BCOR: variants seen among roughly 807,000 people sequenced by gnomAD.
BCOR encodes BCL6 corepressor.
In BCOR, 10 loss-of-function variants were observed where a neutral mutation model predicts 86.7. The ratio of observed to expected loss-of-function variants is 0.12; its 90% CI spans 0.07 to 0.20. BCOR has a LOEUF of 0.20. Among genes scored for constraint, BCOR ranks in the 10% least tolerant of loss-of-function variants. BCOR has a pLI of 1.00. For synonymous variants in BCOR, 611 were observed against 609.0 expected, an observed-to-expected ratio of 1.00 and a Z score of -0.05; for missense variants, 1,259 against 1,452.1, an observed-to-expected ratio of 0.87 and a Z score of 2.16.
At chrX:40,065,971 G>A (rs1222945091) in intron 6 of BCOR, among the ~76,000 whole-genome samples, 3 of 111,245 alleles carry the variant, frequency 2.7e-5, no homozygotes, top group African/African-American at 9.8e-5. Flanking sequence ...TTACAGGGGT[G>A]TTGGCTAGCC....
At chrX:40,164,777 G>A (rs1938481682) in intron 1 of BCOR, among the ~76,000 whole-genome samples, 1 of 112,353 alleles carries the variant, frequency 8.9e-6, no homozygotes. Context: ...AGAAGTGTTA[G>A]CTTACTTCAT....
At chrX:40,163,343 T>C (rs1442420998) in intron 1 of BCOR, among the ~76,000 whole-genome samples, 1 of 111,419 alleles carries the variant, frequency 9.0e-6, no homozygotes, top group African/African-American at 3.3e-5. Flanking sequence ...GACAAGATCA[T>C]AGAGACAGCT....
Position 40,073,898 on chromosome X carries a change from G to A in BCOR, c.1448C>T (p.Pro483Leu), listed in dbSNP as rs587778096. The part of the protein sequence containing the change: ...SGLVLSGSEI[P>L]KETLSPPGNG... ...TCCTGGAGGAGATAGTGTTTCTTTCGGAATCTCACTTCCGGAGAGCACTAA... is the reference window on the plus strand; with the variant it reads ...TCCTGGAGGAGATAGTGTTTCTTTCAGAATCTCACTTCCGGAGAGCACTAA... Residue 483 changes from proline to leucine, a missense_variant, in exon 4 of 15, where the codon CCG becomes CTG. Physicochemically the swap from Pro to Leu is moderately conservative, Grantham distance 98. Transcript: ENST00000378444. 6.6e-5 allele frequency: 80 copies of A among 1,211,031 alleles called. 1 individual carries two copies. The East Asian group carries it at 1.9e-3, about 29-fold the overall frequency.
At chrX:40,166,204 G>C (rs367662807) in intron 1 of BCOR, among the ~76,000 whole-genome samples, 4 of 111,665 alleles carry the variant, frequency 3.6e-5, no homozygotes, top group Non-Finnish European at 7.5e-5. Flanking sequence ...GTCCCGGGCC[G>C]GGCCTGCAAA....
At chrX:40,107,771 C>T (rs1376666879) in intron 1 of BCOR, among the ~76,000 whole-genome samples, 1 of 113,350 alleles carries the variant, frequency 8.8e-6, no homozygotes, top group Non-Finnish European at 1.9e-5. Context: ...CCCCTCCCCT[C>T]TCACAGCCCC....
In BCOR at chrX:40,139,495, ATATTTTTTTTT is replaced by A. The variant is rs1937863622; in HGVS notation, c.-41+37501_-41+37511del. 3.6e-4 allele frequency among the ~76,000 whole-genome samples: 2 copies of A among 5,579 alleles called. 1 individual carries two copies. The highest frequency in any genetic ancestry group is 1.4e-3 in the African/African-American group (2 of 1,457). The allele number at this position is 5,579 out of a possible 115,157, so 4.8% of individuals were successfully genotyped here. A position where few individuals can be genotyped will look rare whatever the true frequency, so the allele number is the denominator to read the frequency against. On this transcript the variant is annotated intron_variant, in intron 1 of 14. Transcript: ENST00000342274. ...TATATATATATATATATATATATAT[ATATTTTTTTTT>A]TTTTTTAAGCATCAGCCTTAATAGG...
At chrX:40,150,911 T>C (rs193163701) in intron 1 of BCOR, among the ~76,000 whole-genome samples, 93 of 112,513 alleles carry the variant, frequency 8.3e-4, no homozygotes, top group African/African-American at 2.8e-3. Flanking sequence ...TCTTCCCACC[T>C]CAACCATGGG....
At chrX:40,168,262 G>T (rs935537975) in intron 1 of BCOR, among the ~76,000 whole-genome samples, 1 of 113,012 alleles carries the variant, frequency 8.8e-6, no homozygotes, top group African/African-American at 3.2e-5. Flanking sequence ...ATTTTAGGGG[G>T]GCCTTCCGCG....
intron 1 of BCOR, among the ~76,000 whole-genome samples, chrX:40,093,493 A>T (rs1439064901): frequency 8.9e-6 from 1 of 111,816 alleles, no homozygotes; most frequent in Non-Finnish European, 1.9e-5. Flanking sequence ...AGAAAGAACT[A>T]GATAAATGTC....
intron 1 of BCOR, among the ~76,000 whole-genome samples, chrX:40,155,057 C>CGGGAG: frequency 9.6e-6 from 1 of 103,667 alleles, no homozygotes; most frequent in East Asian, 3.2e-4. Context: ...GGAGTAGCTG[C>CGGGAG]GGGAGGGGAG....
intron 1 of BCOR, among the ~76,000 whole-genome samples, chrX:40,128,276 C>A (rs1389418174): frequency 1.0e-5 from 1 of 97,603 alleles, no homozygotes; most frequent in African/African-American, 3.8e-5. Context: ...CCAGGTGCAG[C>A]GGCTCACAGC....
chrX:40,167,480 C>T (rs912337762), intron 1 of BCOR, among the ~76,000 whole-genome samples: 8 of 112,719 alleles, frequency 7.1e-5, no homozygotes, highest in African/African-American at 6.4e-5. Context: ...GTCCGCGGTT[C>T]TAGAAACGAA....
intron 1 of BCOR, among the ~76,000 whole-genome samples, chrX:40,088,800 A>AC (rs1390407887): frequency 1.8e-5 from 2 of 111,481 alleles, no homozygotes; most frequent in Non-Finnish European, 3.8e-5. Context: ...GCACCAGGCC[A>AC]CCCCCTCTCA....
chrX:40,076,550 C>T lies in BCOR; in HGVS notation c.87-18G>A. 1 of 1,135,837 alleles carries T rather than the reference C, an allele frequency of 8.8e-7. No homozygotes were observed. The highest frequency in any genetic ancestry group is 1.2e-6 in the Non-Finnish European group (1 of 828,106). 93.6% of individuals were successfully genotyped at this position (1,135,837 alleles called of 1,213,427 possible). A position where few individuals can be genotyped will look rare whatever the true frequency, so the allele number is the denominator to read the frequency against. On this transcript the variant is annotated intron_variant, in intron 2 of 14. Transcript: ENST00000378444. Reference sequence around the variant, plus strand: ...GGATTTTCCTATTTAAAAAGATACACCAACTTCATGAAAGCATTCCTCACT... The same window carrying T: ...GGATTTTCCTATTTAAAAAGATACATCAACTTCATGAAAGCATTCCTCACT...
rs775358295 is a variant in BCOR, at chrX:40,063,624, G to A, written c.3831C>T (p.Pro1277=). The change falls in exon 8 of 15, where the codon CCC becomes CCT. Residue 1277 remains proline (P), a synonymous_variant. Transcript: ENST00000378444. The part of the protein sequence containing the change: ...NRSWSEESLK[P]SDNEQGLPVF... ...CCCGCATACCTTGTTCATTGTCACTGGGTTTAAGAGACTCTTCCGACCAGC... is the reference window on the plus strand; with the variant it reads ...CCCGCATACCTTGTTCATTGTCACTAGGTTTAAGAGACTCTTCCGACCAGC... 2.6e-5 allele frequency: 31 copies of A among 1,209,376 alleles called. No homozygotes were observed. The South Asian group carries it at 5.5e-4, about 21-fold the overall frequency.
At chrX:40,075,330 G>GGGGC in intron 3 of BCOR, 150 bp from the exon 4 acceptor site, 1 of 385,301 alleles carries the variant, frequency 2.6e-6, no homozygotes, top group East Asian at 5.4e-5. Flanking sequence ...GGGGTGGGGG[G>GGGGC]TCTGTTTCCC....
intron 2 of BCOR, 157 bp downstream of exon 2, chrX:40,077,687 A>G (rs1230551815): frequency 2.1e-6 from 1 of 485,921 alleles, no homozygotes; most frequent in African/African-American, 2.4e-5. Context: ...TCACTGAGCC[A>G]GGTTGCCTGT....
Position 40,073,568 on chromosome X carries a change from G to T in BCOR, c.1778C>A (p.Ser593Tyr). ...TSRSSVETTP[S>Y]VIQHVGQPPA... The stretch of plus-strand genomic sequence containing the variant: ...GGGCTGGCCCACGTGCTGAATAACG[G>T]ATGGTGTGGTTTCTACAGAGCTCCT... The change falls in exon 4 of 15, where the codon TCC (serine) becomes TAC (tyrosine). Residue 593 changes from serine to tyrosine, a missense_variant. Ser to Tyr is a moderately radical substitution (Grantham distance 144). Coordinates refer to ENST00000378444, the MANE Select transcript of BCOR (RefSeq NM_001123385.2). 8.2e-7 allele frequency: 1 copy of T among 1,212,288 alleles called. No individual in the cohort carries two copies. The highest frequency in any genetic ancestry group is 1.1e-6 in the Non-Finnish European group (1 of 895,676).
chrX:40,068,378 C>G, intron 6 of BCOR, among the ~76,000 whole-genome samples: 1 of 112,311 alleles, frequency 8.9e-6, no homozygotes, highest in Middle Eastern at 4.6e-3. Flanking sequence ...CATTGGTAGT[C>G]ATCTGTCTGC....
Sources: gnomAD v4.1 joint callset for allele counts (sites outside exome capture counted in the v4.1 genomes callset) on GRCh38, gnomAD v4.1.1 for gene constraint, MANE v1.5 for transcripts, NCBI Gene and HGNC (gene_info 2026-07-23, HGNC 2026-07-21) for gene names.